PPP1R13B: variants seen among roughly 807,000 people sequenced by gnomAD.
PPP1R13B encodes the protein protein phosphatase 1 regulatory subunit 13B.
PPP1R13B carries 44 observed loss-of-function variants against 119.8 expected under a neutral mutation model. That is an observed-to-expected ratio of 0.37 (90% CI 0.29 to 0.47). The LOEUF is 0.47. Among genes scored for constraint, PPP1R13B ranks in the 20% least tolerant of loss-of-function variants. The pLI is 0.99. For missense variants in PPP1R13B, 1,227 were observed against 1,413.5 expected (o/e 0.87, Z 2.12); for synonymous variants, 542 against 561.5 (o/e 0.97, Z 0.49).
intron 3 of PPP1R13B, among the ~76,000 whole-genome samples, chr14:103,779,976 CT>C (rs2085299929): frequency 6.6e-6 from 1 of 151,864 alleles, no homozygotes; most frequent in South Asian, 2.1e-4. Context: ...TGGCAAAACC[CT>C]GTCTCTAGTA....
At chr14:103,841,538 C>T (rs2086908835) in intron 1 of PPP1R13B, among the ~76,000 whole-genome samples, 1 of 151,220 alleles carries the variant, frequency 6.6e-6, no homozygotes. Context: ...GGCAGTGAGC[C>T]GAGATCACAC....
At chr14:103,789,511 C>T (rs978948091) in intron 2 of PPP1R13B, among the ~76,000 whole-genome samples, 11 of 151,424 alleles carry the variant, frequency 7.3e-5, no homozygotes, top group African/African-American at 2.4e-4. Flanking sequence ...CCACCGTGTC[C>T]GGCCAATTTT....
At chr14:103,768,344 G>A (rs1172573221) in intron 4 of PPP1R13B, among the ~76,000 whole-genome samples, 1 of 151,970 alleles carries the variant, frequency 6.6e-6, no homozygotes, top group Non-Finnish European at 1.5e-5. Flanking sequence ...TCGCCAGGCT[G>A]GAGTGCAAGT....
intron 2 of PPP1R13B, among the ~76,000 whole-genome samples, chr14:103,792,061 CA>C (rs2085634101): frequency 6.6e-6 from 1 of 152,036 alleles, no homozygotes; most frequent in Non-Finnish European, 1.5e-5. Context: ...AATCAATTTA[CA>C]ACCTATATTT....
chr14:103,803,642 CA>C (rs1333437390), intron 1 of PPP1R13B, among the ~76,000 whole-genome samples: 1 of 151,606 alleles, frequency 6.6e-6, no homozygotes, highest in Non-Finnish European at 1.5e-5. Context: ...GACTCCGTCT[CA>C]AAAATAAATA....
rs74085287 is a variant in PPP1R13B at position 103,739,467 on chromosome 14, G to A, written c.2592+357C>T. 1.5e-3 allele frequency among the ~76,000 whole-genome samples: 236 copies of A among 152,302 alleles called. 1 individual carries two copies. Among genetic ancestry groups the A allele is most frequent in the African/African-American group, 5.4e-3 (223 of 41,558 alleles). On this transcript the variant is annotated intron_variant, in intron 12 of 16. Transcript: ENST00000202556. ...TGGCGCCTGGCTCCCTCTCTGCTCC[G>A]TCAACACTGACCTCCCACCCAGGGC...
At chr14:103,752,888 T>C in intron 7 of PPP1R13B, 112 bp downstream of exon 7, 1 of 1,157,854 alleles carries the variant, frequency 8.6e-7, no homozygotes, top group East Asian at 2.4e-5. Flanking sequence ...TGCCTATTAT[T>C]AAATTAGAAT....
intron 1 of PPP1R13B, among the ~76,000 whole-genome samples, chr14:103,824,171 GA>G (rs1265692403): frequency 1.0e-4 from 15 of 145,834 alleles, no homozygotes; most frequent in African/African-American, 3.8e-4. Context: ...TCAGCCTCCC[GA>G]GTAGCTGGGA....
intron 4 of PPP1R13B, among the ~76,000 whole-genome samples, chr14:103,777,953 T>C (rs1255922058): frequency 1.5e-5 from 2 of 134,312 alleles, no homozygotes. Flanking sequence ...TGCTACCACA[T>C]CTGACTTTTT....
chr14:103,735,568 A>C (rs1424917809), intron 16 of PPP1R13B, among the ~76,000 whole-genome samples: 2 of 152,214 alleles, frequency 1.3e-5, no homozygotes, highest in African/African-American at 4.8e-5. Context: ...CAAAGAGAGC[A>C]GAGGCAGCTC....
In PPP1R13B at chr14:103,741,771, G is replaced by A; in HGVS notation, c.1822+19C>T. On this transcript the variant is annotated intron_variant, in intron 11 of 16. Coordinates refer to ENST00000202556, the MANE Select transcript of PPP1R13B (RefSeq NM_015316.3). ...TAATTTCCTAGCCCCAAGAAAAGGA[G>A]AGTATAAACCCACTCTACCTGCTTT... 1 of 1,586,718 alleles carries A rather than the reference G, an allele frequency of 6.3e-7. No homozygotes were observed. The highest frequency in any genetic ancestry group is 8.6e-7 in the Non-Finnish European group (1 of 1,165,550).
At chr14:103,844,183 C>T (rs1292602575) in intron 1 of PPP1R13B, among the ~76,000 whole-genome samples, 1 of 151,934 alleles carries the variant, frequency 6.6e-6, no homozygotes, top group Non-Finnish European at 1.5e-5. Context: ...ATGAGAATCA[C>T]TTGAGCCTAG....
intron 6 of PPP1R13B, 105 bp from the exon 7 acceptor site, chr14:103,753,301 T>A: frequency 8.6e-7 from 1 of 1,167,900 alleles, no homozygotes; most frequent in Non-Finnish European, 1.2e-6. Flanking sequence ...TGCCAGACCG[T>A]GGAGAAAGCT....
rs769259301 is a variant in PPP1R13B, at chr14:103,746,557, C to T, written c.970-4G>A. 6.4e-6 allele frequency: 10 copies of T among 1,574,418 alleles called. No homozygotes were observed. The East Asian group carries it at 1.8e-4, about 29-fold the overall frequency. ...ACGTGCCATTCACACGGTTCAGCTA[C>T]AAATTGGGAAGAAATGAGAGTCAAG... On this transcript the variant is annotated splice_region_variant and splice_polypyrimidine_tract_variant and intron_variant, in intron 8 of 16. Coordinates refer to ENST00000202556, the MANE Select transcript of PPP1R13B (RefSeq NM_015316.3).
upstream of PPP1R13B, chr14:103,848,456 G>C: frequency 1.0e-6 from 1 of 985,464 alleles, no homozygotes; most frequent in African/African-American, 1.7e-5. Context: ...CTGCCAGGGG[G>C]GTAGGCACCC....
In PPP1R13B at chr14:103,794,721, G is replaced by C. The variant is rs1469158499; in HGVS notation, c.157+2650C>G. 4 of 404,772 alleles carry C rather than the reference G, an allele frequency of 9.9e-6. No homozygotes were observed. The Admixed American group carries it at 1.2e-4, about 12-fold the overall frequency. 25.1% of individuals were successfully genotyped at this position (404,772 alleles called of 1,614,324 possible). ...CTAGGTAAAAGGACTGAGAAAGGCT[G>C]TTACAGTGCTTGCCCTCTCCCTTTG... On this transcript the variant is annotated intron_variant, in intron 2 of 16. Coordinates refer to ENST00000202556, the MANE Select transcript of PPP1R13B (RefSeq NM_015316.3).
At chr14:103,737,446 C>A (rs1027393902) in intron 15 of PPP1R13B, 2 of 380,304 alleles carry the variant, frequency 5.3e-6, no homozygotes, top group South Asian at 6.4e-5. Context: ...TGTGGTGGGA[C>A]AAGCCTGTAG....
rs776840878 is a variant in PPP1R13B at position 103,742,285 on chromosome 14, C to T, written c.1327G>A (p.Glu443Lys). 18 of 1,555,054 alleles carry T rather than the reference C, an allele frequency of 1.2e-5. No homozygotes were observed. The highest frequency in any genetic ancestry group is 1.4e-5 in the African/African-American group (1 of 73,496). ...ALGPTEKPGIEIGKVPPPIPG... is the reference protein window; with the variant it reads ...ALGPTEKPGIKIGKVPPPIPG... ...ATGGGAGGTGGCACTTTACCAATCT[C>T]GATGCCCTAAGTTTAGGTGTTAAGA... is the stretch of plus-strand genomic sequence containing the variant. The change falls in exon 11 of 17, where the codon GAG becomes AAG. Residue 443 changes from glutamate (E) to lysine (K), a missense_variant. Glu to Lys is a moderately conservative substitution (Grantham distance 56). Transcript: ENST00000202556. This position sits in a 1 kb window ranked among gnomAD's most constrained non-coding sequence, Gnocchi z 4.9.
intron 9 of PPP1R13B, among the ~76,000 whole-genome samples, chr14:103,744,888 G>A (rs530449778): frequency 2.0e-5 from 3 of 152,328 alleles, no homozygotes; most frequent in South Asian, 2.1e-4. Context: ...CCAGGGCTTC[G>A]TGAAGGCATC....
Sources: gnomAD v4.1 joint callset for allele counts (sites outside exome capture counted in the v4.1 genomes callset) on GRCh38, gnomAD v4.1.1 for gene constraint, Gnocchi (gnomAD v3.1) non-coding constraint, MANE v1.5 for transcripts, NCBI Gene and HGNC (gene_info 2026-07-23, HGNC 2026-07-21) for gene names.